Variants in ADGRL2 observed in about 807,000 individuals in gnomAD.
The protein encoded by ADGRL2 is calcium-independent alpha-latrotoxin receptor 2.
ADGRL2 carries 44 observed loss-of-function variants against 157.4 expected under a neutral mutation model. The observed-to-expected ratio is 0.28, with a 90% CI of 0.22 to 0.36. The LOEUF is 0.36. ADGRL2 is among the 10% of genes least tolerant of loss of function. The pLI, the probability that ADGRL2 is intolerant of heterozygous loss-of-function variation, is 1.00. For missense variants in ADGRL2, 1,510 were observed against 1,768.9 expected (o/e 0.85, Z 2.63); for synonymous variants, 585 against 624.7 (o/e 0.94, Z 0.95).
chr1:81,577,663 C>T (rs1346279347), intron 2 of ADGRL2, among the ~76,000 whole-genome samples: 3 of 152,164 alleles, frequency 2.0e-5, no homozygotes, highest in African/African-American at 7.2e-5. Flanking sequence ...AGGAAATTAG[C>T]CCCTTCTCTA....
chr1:81,975,269 G>A (rs1416576137), intron 17 of ADGRL2, among the ~76,000 whole-genome samples: 1 of 152,106 alleles, frequency 6.6e-6, no homozygotes, highest in Admixed American at 6.6e-5. Flanking sequence ...GTAACTGCAT[G>A]TACTTACCAA....
At chr1:81,367,350 G>C (rs2076083930) in intron 1 of ADGRL2, among the ~76,000 whole-genome samples, 1 of 152,150 alleles carries the variant, frequency 6.6e-6, no homozygotes, top group Non-Finnish European at 1.5e-5. Context: ...CCCATTAGCT[G>C]TTCTTCCTGA....
intron 13 of ADGRL2, among the ~76,000 whole-genome samples, chr1:81,966,983 A>G (rs1429975191): frequency 6.6e-6 from 1 of 152,176 alleles, no homozygotes; most frequent in Non-Finnish European, 1.5e-5. Flanking sequence ...CTGTGTGGCA[A>G]AATTTTTTTC....
chr1:81,883,269 G>C (rs2094034487), intron 2 of ADGRL2, among the ~76,000 whole-genome samples: 1 of 152,118 alleles, frequency 6.6e-6, no homozygotes, highest in Admixed American at 6.5e-5. Context: ...AACATTACTT[G>C]AGCACTAAAG....
intron 1 of ADGRL2, among the ~76,000 whole-genome samples, chr1:81,375,735 C>T (rs540795826): frequency 6.6e-6 from 1 of 152,052 alleles, no homozygotes; most frequent in African/African-American, 2.4e-5. Context: ...CCAAAAGTAT[C>T]CCCTTAGTAA....
chr1:81,943,227 T>C lies in ADGRL2; in HGVS notation c.668T>C (p.Val223Ala). 6.2e-7 allele frequency: 1 copy of C among 1,613,658 alleles called. No homozygotes were observed. The highest frequency in any genetic ancestry group is 8.5e-7 in the Non-Finnish European group (1 of 1,179,686). Residue 223 changes from valine to alanine, a missense_variant, in exon 6 of 24, where the codon GTC (valine) becomes GCC (alanine). By Grantham distance (64) the Val-to-Ala change is moderately conservative. Transcript: ENST00000686636. The surrounding 1 kb of genome is among the most constrained non-coding windows in gnomAD (Gnocchi z 5.6). ...GTGFVVYDGA[V>A]FFNKERTRNI... ...GGATTTGTGGTGTATGATGGTGCTGTCTTCTTTAACAAAGAAAGAACGAGG... is the reference window on the plus strand; with the variant it reads ...GGATTTGTGGTGTATGATGGTGCTGCCTTCTTTAACAAAGAAAGAACGAGG...
chr1:81,696,792 T>C (rs1418463609), upstream of ADGRL2, among the ~76,000 whole-genome samples: 1 of 151,552 alleles, frequency 6.6e-6, no homozygotes, highest in East Asian at 1.9e-4. Flanking sequence ...TAGAGAGGAG[T>C]TGATGTTAAC....
At chr1:81,887,508 A>C (rs2094153147) in intron 2 of ADGRL2, among the ~76,000 whole-genome samples, 1 of 152,174 alleles carries the variant, frequency 6.6e-6, no homozygotes, top group Admixed American at 6.5e-5. Flanking sequence ...TGCATTAATT[A>C]TATGTTCATA....
chr1:81,630,851 A>G (rs1489865560), intron 3 of ADGRL2, among the ~76,000 whole-genome samples: 1 of 152,214 alleles, frequency 6.6e-6, no homozygotes, highest in Non-Finnish European at 1.5e-5. Flanking sequence ...GAAGAAGAGA[A>G]TTTAGCAGAA....
chr1:81,877,740 G>T (rs994678391), intron 2 of ADGRL2, among the ~76,000 whole-genome samples: 2 of 151,912 alleles, frequency 1.3e-5, no homozygotes, highest in African/African-American at 4.8e-5. Context: ...TTTTGGGAAG[G>T]CAAGTTAGAC....
At chr1:81,844,258 G>A (rs2092704375) in intron 2 of ADGRL2, among the ~76,000 whole-genome samples, 2 of 152,110 alleles carry the variant, frequency 1.3e-5, no homozygotes, top group South Asian at 4.1e-4. Flanking sequence ...AACCAATAGT[G>A]TATTACAGGG....
Position 81,966,420 on chromosome 1 carries a change from G to T in ADGRL2, c.2160G>T (p.Val720=). ...CCTTCCTAGGGCTTGCAAAGTTGGT[G>T]TTCATCATTTACCGGAGCCTGGGAC... ...QNSRNGLAKL[V]FIIYRSLGQF... is the part of the protein sequence containing the mutation. The change falls in exon 13 of 24, where the codon GTG becomes GTT. Residue 720 remains valine, a synonymous_variant. Transcript: ENST00000686636. 1 of 1,614,044 alleles carries T rather than the reference G, an allele frequency of 6.2e-7. No individual in the cohort carries two copies. The highest frequency in any genetic ancestry group is 8.5e-7 in the Non-Finnish European group (1 of 1,179,986).
At chr1:81,600,074 T>C (rs1168005354) in intron 3 of ADGRL2, among the ~76,000 whole-genome samples, 2 of 152,232 alleles carry the variant, frequency 1.3e-5, no homozygotes, top group Non-Finnish European at 2.9e-5. Context: ...CTTGAGCGTT[T>C]ATTTTTCTGC....
intron 2 of ADGRL2, among the ~76,000 whole-genome samples, chr1:81,791,670 A>G (rs986886575): frequency 1.1e-4 from 16 of 152,296 alleles, no homozygotes; most frequent in African/African-American, 3.6e-4. Flanking sequence ...AAAAATAGAT[A>G]CATATTACCT....
At chr1:81,378,566 TAAAAAAAAAAAA>T (rs58850012) in intron 1 of ADGRL2, among the ~76,000 whole-genome samples, 6 of 101,326 alleles carry the variant, frequency 5.9e-5, no homozygotes, top group Non-Finnish European at 1.1e-4. Flanking sequence ...CCTTGTATCT[TAAAAAAAAAAAA>T]AAAAAAAAGC....
chr1:81,720,047 T>C (rs1557594040), intron 1 of ADGRL2, among the ~76,000 whole-genome samples: 1 of 152,182 alleles, frequency 6.6e-6, no homozygotes, highest in Non-Finnish European at 1.5e-5. Context: ...GAAAATGTAA[T>C]GGTAGCATAT....
chr1:81,613,686 G>A (rs1054234585), intron 3 of ADGRL2, among the ~76,000 whole-genome samples: 7 of 152,182 alleles, frequency 4.6e-5, no homozygotes, highest in African/African-American at 1.4e-4. Context: ...CAGAGAAATA[G>A]AATGATCAGA....
chr1:81,471,328 G>A (rs1273360126), intron 2 of ADGRL2, among the ~76,000 whole-genome samples: 3 of 152,026 alleles, frequency 2.0e-5, no homozygotes, highest in Non-Finnish European at 4.4e-5. Context: ...GCATTATTTA[G>A]TATTATGTAT....
At chr1:81,503,710 G>A (rs2078906627) in intron 2 of ADGRL2, among the ~76,000 whole-genome samples, 1 of 152,170 alleles carries the variant, frequency 6.6e-6, no homozygotes, top group Non-Finnish European at 1.5e-5. Context: ...TGGAGAACTG[G>A]GTGGGGGTCT....
Sources: allele counts gnomAD v4.1 joint callset (sites outside exome capture counted in the v4.1 genomes callset), GRCh38; gene constraint gnomAD v4.1.1; non-coding constraint Gnocchi (gnomAD v3.1); transcripts MANE v1.5; gene names NCBI Gene and HGNC (gene_info 2026-07-23, HGNC 2026-07-21).